METTL13: variants seen among roughly 807,000 people sequenced by gnomAD.
METTL13 encodes methyltransferase 13, eEF1A N-terminus and K55.
In METTL13, 52 loss-of-function variants were observed where a neutral mutation model predicts 67.4. That is an observed-to-expected ratio of 0.77 (90% CI 0.62 to 0.97). The LOEUF (loss-of-function observed/expected upper bound fraction) is 0.97. METTL13 is among the 50% of genes least tolerant of loss of function. The pLI is 0.00. For missense variants in METTL13, 825 were observed against 889.6 expected, an observed-to-expected ratio of 0.93 and a Z score of 0.92; for synonymous variants, 354 against 353.6, an observed-to-expected ratio of 1.00 and a Z score of -0.01.
intron 3 of METTL13, 144 bp from the exon 4 acceptor site, chr1:171,787,591 T>C (rs1466513251): frequency 4.2e-6 from 3 of 707,854 alleles, no homozygotes; most frequent in Non-Finnish European, 6.9e-6. Context: ...AGAAAAGTAC[T>C]TTAATAGAAT....
rs138897333 is a variant in METTL13 at position 171,784,263 on chromosome 1, G to T, written c.677G>T (p.Cys226Phe). The T allele has an allele frequency of 1.9e-6, 3 of 1,613,858 alleles. No individual in the cohort carries two copies. In the African/African-American group the frequency reaches 4.0e-5, roughly 22 times the overall value. The change falls in exon 2 of 8, where the codon TGT becomes TTT. Residue 226 changes from cysteine to phenylalanine, a missense_variant. Cys to Phe is a radical substitution (Grantham distance 205). Transcript: ENST00000361735. Reference sequence around the variant, plus strand: ...TCTGCCCTTCAGATCTTTGAGCTGTGTGCTCAGGAGCAGCGCAAGCCTGTG... The same window carrying T: ...TCTGCCCTTCAGATCTTTGAGCTGTTTGCTCAGGAGCAGCGCAAGCCTGTG... ...PGSALQIFEL[C>F]AQEQRKPVRL... is the part of the protein sequence containing the mutation.
chr1:171,786,001 A>G lies in METTL13; in HGVS notation c.1036A>G (p.Ser346Gly), dbSNP rs1391680546. The G allele has an allele frequency of 6.2e-7, 1 of 1,614,038 alleles. No homozygotes were observed. The highest frequency in any genetic ancestry group is 8.5e-7 in the Non-Finnish European group (1 of 1,179,966). The change falls in exon 3 of 8, where the codon AGC (serine) becomes GGC (glycine). Residue 346 changes from serine (S) to glycine (G), a missense_variant. Transcript: ENST00000361735. Reference protein sequence around the residue: ...VALHRGQQYESMDHIQAELSA... With the variant: ...VALHRGQQYEGMDHIQAELSA... Reference sequence around the variant, plus strand: ...CCTTCACCGAGGTCAGCAGTATGAAAGCATGGACCACATCCAAGCTGAGCT... The same window carrying G: ...CCTTCACCGAGGTCAGCAGTATGAAGGCATGGACCACATCCAAGCTGAGCT...
chr1:171,791,295 T>C (rs765951166), intron 5 of METTL13, among the ~76,000 whole-genome samples: 27 of 152,184 alleles, frequency 1.8e-4, no homozygotes, highest in Non-Finnish European at 1.3e-4. Flanking sequence ...TGGGCCTTTG[T>C]TTTCCTGTGA....
chr1:171,791,542 C>T (rs35631282), intron 5 of METTL13, among the ~76,000 whole-genome samples: 20,400 of 151,938 alleles, frequency 0.13, 1,773 homozygotes, highest in Non-Finnish European at 0.2. Context: ...GTGGTATGAT[C>T]GCAGCTTACT....
At chr1:171,784,604 C>T in intron 2 of METTL13, 105 bp downstream of exon 2, 1 of 1,348,140 alleles carries the variant, frequency 7.4e-7, no homozygotes, top group South Asian at 1.9e-5. Context: ...TGGTGGGATT[C>T]TGGACTGTTT....
intron 2 of METTL13, 108 bp from the exon 3 acceptor site, chr1:171,785,771 G>T: frequency 8.9e-7 from 1 of 1,125,496 alleles, no homozygotes; most frequent in African/African-American, 1.5e-5. Context: ...GTCACAGTTG[G>T]GGAAGATGCT....
intron 2 of METTL13, among the ~76,000 whole-genome samples, chr1:171,785,619 G>C (rs868728357): frequency 6.6e-6 from 1 of 152,190 alleles, no homozygotes; most frequent in African/African-American, 2.4e-5. Context: ...TGGCATTACT[G>C]CTGTTTTTCT....
chr1:171,782,780 G>A (rs1571162292), intron 1 of METTL13, among the ~76,000 whole-genome samples: 1 of 152,250 alleles, frequency 6.6e-6, no homozygotes, highest in South Asian at 2.1e-4. Flanking sequence ...TTCAGGCACT[G>A]CTCAGTCCTT....
At chr1:171,789,443 T>G (rs1373988798) in intron 4 of METTL13, among the ~76,000 whole-genome samples, 16 of 152,194 alleles carry the variant, frequency 1.1e-4, no homozygotes, top group Non-Finnish European at 1.5e-5. Flanking sequence ...GTGCTACCTG[T>G]GTGGCATAGC....
chr1:171,783,734 C>T lies in METTL13; in HGVS notation c.154-6C>T, dbSNP rs768494915. The stretch of plus-strand genomic sequence containing the variant: ...CCTCCCTCTTGTCTGTGAATTTTTT[C>T]TCCAGGTGCTGGTGATTGGGTGTGG... On this transcript the variant is annotated splice_region_variant and splice_polypyrimidine_tract_variant and intron_variant, in intron 1 of 7. Coordinates refer to ENST00000361735, the MANE Select transcript of METTL13 (RefSeq NM_015935.5). The T allele has an allele frequency of 3.1e-6, 5 of 1,592,728 alleles. No individual in the cohort carries two copies. The highest frequency in any genetic ancestry group is 3.4e-6 in the Non-Finnish European group (4 of 1,168,174).
chr1:171,783,946 C>T lies in METTL13; in HGVS notation c.360C>T (p.Asp120=), dbSNP rs765970057. 2 of 1,614,214 alleles carry T rather than the reference C, an allele frequency of 1.2e-6. No homozygotes were observed. The highest frequency in any genetic ancestry group is 1.7e-6 in the Non-Finnish European group (2 of 1,180,046). The change falls in exon 2 of 8, where the codon GAC becomes GAT. Residue 120 remains aspartate, a synonymous_variant. Transcript: ENST00000361735. The part of the protein sequence containing the change: ...FPDASFQVVL[D]KGTLDAVLTD... ...ATGCCTCGTTCCAGGTGGTGTTGGA[C>T]AAGGGCACCCTGGATGCTGTCCTGA...
intron 1 of METTL13, 132 bp from the exon 2 acceptor site, chr1:171,783,608 C>G (rs1656897360): frequency 6.6e-6 from 7 of 1,054,178 alleles, no homozygotes; most frequent in East Asian, 2.5e-5. Flanking sequence ...CAATGTCGCT[C>G]TTTCTCTGGC....
intron 6 of METTL13, among the ~76,000 whole-genome samples, chr1:171,793,865 A>G (rs1030364492): frequency 1.3e-5 from 2 of 152,242 alleles, no homozygotes; most frequent in Non-Finnish European, 2.9e-5. Flanking sequence ...TTGCTGGGTC[A>G]GCCCTTAAAG....
In METTL13 at chr1:171,794,320, G is replaced by A. The variant is rs1034843063; in HGVS notation, c.1694-76G>A. On this transcript the variant is annotated intron_variant, in intron 6 of 7. Coordinates refer to ENST00000361735, the MANE Select transcript of METTL13 (RefSeq NM_015935.5). ...TCACCATGCCCACCACTGGTAAAGA[G>A]GAGGTATAGTGTTGGAATGTAAATG... 4 of 1,592,664 alleles carry A rather than the reference G, an allele frequency of 2.5e-6. No homozygotes were observed. In the African/African-American group the frequency reaches 5.4e-5, roughly 21 times the overall value.
Position 171,787,926 on chromosome 1 carries a change from C to A in METTL13, c.1305C>A (p.His435Gln), listed in dbSNP as rs1231813300. 6.2e-7 allele frequency: 1 copy of A among 1,613,124 alleles called. No individual in the cohort carries two copies. The highest frequency in any genetic ancestry group is 8.5e-7 in the Non-Finnish European group (1 of 1,179,874). Residue 435 changes from histidine to glutamine, a missense_variant, in exon 4 of 8, where the codon CAC becomes CAA. His to Gln is a conservative substitution (Grantham distance 24, BLOSUM62 0). Transcript: ENST00000361735. ...SEARLLKDVS[H>Q]KAQKKRKKDR... ...CCAGGTTGCTGAAGGATGTGTCTCACAAAGGTGAGGTGTCATAGGCACAGT... is the reference window on the plus strand; with the variant it reads ...CCAGGTTGCTGAAGGATGTGTCTCAAAAAGGTGAGGTGTCATAGGCACAGT...
At position 171,794,535 on chromosome 1, in the gene METTL13, G is replaced by C. The variant is rs1291659062; in HGVS notation, c.1825+8G>C. On this transcript the variant is annotated splice_region_variant and intron_variant, in intron 7 of 7. Coordinates refer to ENST00000361735, the MANE Select transcript of METTL13 (RefSeq NM_015935.5). ...GCATCTTGACTCCTGAAGGTATGGA[G>C]AACAAAAGGTGGGAGAGGGAGGAGA... 1 of 1,614,022 alleles carries C rather than the reference G, an allele frequency of 6.2e-7. No individual in the cohort carries two copies. The highest frequency in any genetic ancestry group is 1.3e-5 in the African/African-American group (1 of 74,930).
intron 2 of METTL13, 136 bp downstream of exon 2, chr1:171,784,635 A>G: frequency 8.6e-7 from 1 of 1,165,586 alleles, no homozygotes; most frequent in South Asian, 2.3e-5. Flanking sequence ...AGGGGTTTGT[A>G]CTTCCAGAGG....
chr1:171,784,681 T>A (rs1244658204), intron 2 of METTL13, among the ~76,000 whole-genome samples, 182 bp downstream of exon 2: 1 of 152,194 alleles, frequency 6.6e-6, no homozygotes, highest in East Asian at 1.9e-4. Context: ...AGGAGAGTAA[T>A]AGCTCTCTAG....
chr1:171,790,660 T>G, intron 5 of METTL13, 44 bp downstream of exon 5: 1 of 1,435,742 alleles, frequency 7.0e-7, no homozygotes, highest in Non-Finnish European at 9.2e-7. Context: ...AGCATAAAGA[T>G]TACAGACCTA....
Sources: gnomAD v4.1 joint callset for allele counts (sites outside exome capture counted in the v4.1 genomes callset) on GRCh38, gnomAD v4.1.1 for gene constraint, MANE v1.5 for transcripts, NCBI Gene and HGNC (gene_info 2026-07-23, HGNC 2026-07-21) for gene names.